TBC1D4: variants seen among roughly 807,000 people sequenced by gnomAD.
TBC1D4 encodes the protein TBC (Tre-2, BUB2, CDC16) domain-containing protein.
In TBC1D4, 121 loss-of-function variants were observed where a neutral mutation model predicts 142.5. The observed-to-expected ratio is 0.85, with a 90% CI of 0.73 to 0.99. The LOEUF (loss-of-function observed/expected upper bound fraction) is 0.99. Ranked by LOEUF, TBC1D4 falls within the 50% of genes least tolerant of loss-of-function variation. The pLI is 0.00. For missense variants in TBC1D4, 1,475 were observed against 1,606.6 expected, an observed-to-expected ratio of 0.92 and a Z score of 1.40; for synonymous variants, 630 against 628.2, an observed-to-expected ratio of 1.00 and a Z score of -0.04.
At chr13:75,292,835 T>C (rs1007612992) in intron 18 of TBC1D4, among the ~76,000 whole-genome samples, 1 of 151,934 alleles carries the variant, frequency 6.6e-6, no homozygotes, top group African/African-American at 2.4e-5. Context: ...TTCCTACAAA[T>C]ACAAACATGC....
chr13:75,481,195 T>TGGCC, intron 1 of TBC1D4, 75 bp downstream of exon 1: 5 of 1,292,706 alleles, frequency 3.9e-6, no homozygotes, highest in Non-Finnish European at 2.1e-6. Flanking sequence ...TAAAGTGGGG[T>TGGCC]CCCCGCCCCT....
chr13:75,452,913 T>C (rs986870017), intron 1 of TBC1D4, among the ~76,000 whole-genome samples: 3 of 152,118 alleles, frequency 2.0e-5, no homozygotes, highest in Non-Finnish European at 4.4e-5. Flanking sequence ...GAGGCGGCCG[T>C]CAGGGGATAG....
chr13:75,396,988 A>G (rs1884827111), intron 1 of TBC1D4, among the ~76,000 whole-genome samples: 1 of 152,218 alleles, frequency 6.6e-6, no homozygotes, highest in Non-Finnish European at 1.5e-5. Flanking sequence ...AGAAATAGAG[A>G]ATCCAACCTT....
intron 10 of TBC1D4, among the ~76,000 whole-genome samples, chr13:75,325,466 C>T (rs959853861): frequency 6.6e-6 from 1 of 150,784 alleles, no homozygotes; most frequent in African/African-American, 2.4e-5. Flanking sequence ...TTTTCCGTAA[C>T]AAATTCATAG....
At chr13:75,296,320 G>C (rs1439285035) in intron 17 of TBC1D4, among the ~76,000 whole-genome samples, 1 of 151,962 alleles carries the variant, frequency 6.6e-6, no homozygotes, top group African/African-American at 2.4e-5. Flanking sequence ...CAACAAAAGA[G>C]TTAGTATTTT....
At chr13:75,306,688 G>A (rs1877224504) in intron 14 of TBC1D4, among the ~76,000 whole-genome samples, 1 of 152,062 alleles carries the variant, frequency 6.6e-6, no homozygotes, top group Non-Finnish European at 1.5e-5. Flanking sequence ...ACCTCCTAAG[G>A]AGGTTTTACT....
chr13:75,360,244 G>A (rs9318337), intron 2 of TBC1D4, among the ~76,000 whole-genome samples: 31,515 of 152,026 alleles, frequency 0.21, 3,341 homozygotes, highest in East Asian at 0.26. Flanking sequence ...GGATGTATCT[G>A]TAATTGGGCT....
rs1025206282 is a variant in TBC1D4, at chr13:75,283,945, T to C, written c.*2847A>G. On this transcript the variant is annotated 3_prime_UTR_variant, in exon 21 of 21. Coordinates refer to ENST00000377636, the MANE Select transcript of TBC1D4 (RefSeq NM_014832.5). ...CAAAGTCTCACTCTGTGGCCCAGGC[T>C]AGAGTGCAGTGGCATGATGGCTCAC... Among the ~76,000 whole-genome samples, 1 of 152,108 alleles carries C rather than the reference T, an allele frequency of 6.6e-6. No individual in the cohort carries two copies. The highest frequency in any genetic ancestry group is 1.5e-5 in the Non-Finnish European group (1 of 68,016).
chr13:75,427,847 C>T (rs954689009), intron 1 of TBC1D4, among the ~76,000 whole-genome samples: 2 of 152,108 alleles, frequency 1.3e-5, no homozygotes, highest in Admixed American at 1.3e-4. Flanking sequence ...TTTTATGTTG[C>T]TTATAAGAAC....
At chr13:75,481,157 C>T (rs1888848327) in intron 1 of TBC1D4, 113 bp downstream of exon 1, 8 of 1,431,178 alleles carry the variant, frequency 5.6e-6, no homozygotes, top group Non-Finnish European at 7.4e-6. Flanking sequence ...GGAGCGCGCG[C>T]GCCTGCAGCC....
intron 1 of TBC1D4, among the ~76,000 whole-genome samples, chr13:75,393,665 C>T (rs1369220865): frequency 6.6e-6 from 1 of 152,156 alleles, no homozygotes; most frequent in East Asian, 1.9e-4. Context: ...GGCACAGTGG[C>T]TCATGCCTGT....
intron 14 of TBC1D4, among the ~76,000 whole-genome samples, chr13:75,308,450 G>C (rs1877398373): frequency 6.6e-6 from 1 of 152,102 alleles, no homozygotes; most frequent in Non-Finnish European, 1.5e-5. Context: ...TTGACCTTAG[G>C]TTAATTCTCT....
At position 75,440,557 on chromosome 13, in the gene TBC1D4, T is replaced by A. The variant is rs78462128; in HGVS notation, c.498+40713A>T. Among the ~76,000 whole-genome samples the A allele has an allele frequency of 7.3e-3, 1,089 of 150,126 alleles. 4 individuals carry two copies. Among genetic ancestry groups the A allele is most frequent in the African/African-American group, 0.015 (617 of 41,004 alleles). On this transcript the variant is annotated intron_variant, in intron 1 of 20. Coordinates refer to ENST00000377636, the MANE Select transcript of TBC1D4 (RefSeq NM_014832.5). ...CACCATATTTATTTTTACTATTTTT[T>A]AAAAAAAAAATTATAGAGATAGGGT...
chr13:75,457,005 T>C (rs1467591594), intron 1 of TBC1D4, among the ~76,000 whole-genome samples: 1 of 151,952 alleles, frequency 6.6e-6, no homozygotes, highest in Non-Finnish European at 1.5e-5. Flanking sequence ...AGACACAATG[T>C]TGAGTAAAAG....
At position 75,341,602 on chromosome 13, in the gene TBC1D4, G is replaced by A. The variant is rs1409465167; in HGVS notation, c.1409-15C>T. The A allele has an allele frequency of 1.9e-6, 3 of 1,599,260 alleles. No homozygotes were observed. In the African/African-American group the frequency reaches 4.0e-5, roughly 21 times the overall value. The stretch of plus-strand genomic sequence containing the variant: ...TGGGTAGAGACCTAAGGAAAATGAT[G>A]AGGGAAGGTATTAAACAGAGTCTAG... On this transcript the variant is annotated splice_polypyrimidine_tract_variant and intron_variant, in intron 5 of 20. Coordinates refer to ENST00000377636, the MANE Select transcript of TBC1D4 (RefSeq NM_014832.5).
chr13:75,319,440 G>A (rs542477292), intron 12 of TBC1D4, among the ~76,000 whole-genome samples: 5 of 152,320 alleles, frequency 3.3e-5, no homozygotes, highest in African/African-American at 7.2e-5. Flanking sequence ...GTCAAGAGAT[G>A]TCAACACAGA....
chr13:75,300,321 A>C (rs887597739), intron 16 of TBC1D4, among the ~76,000 whole-genome samples: 2 of 152,110 alleles, frequency 1.3e-5, no homozygotes, highest in African/African-American at 4.8e-5. Flanking sequence ...TGCATCACTA[A>C]AAGGAGAGTT....
At position 75,362,262 on chromosome 13, in the gene TBC1D4, C is replaced by G. The variant is rs769392488; in HGVS notation, c.844G>C (p.Ala282Pro). The G allele has an allele frequency of 1.2e-6, 2 of 1,613,850 alleles. No homozygotes were observed. The highest frequency in any genetic ancestry group is 1.7e-6 in the Non-Finnish European group (2 of 1,179,978). ...GTCAGGGCAGGCTGGCTGGCCCCGG[C>G]AGGTAAGCCAAGGTGGGTGTCGGTG... is the stretch of plus-strand genomic sequence containing the variant. The part of the protein sequence containing the change: ...DGTDTHLGLP[A>P]GASQPALTSS... The change falls in exon 2 of 21, where the codon GCC becomes CCC. Residue 282 changes from alanine to proline, a missense_variant. Ala to Pro is a conservative substitution (Grantham distance 27, BLOSUM62 -1). Around this residue, in one of 2 missense-constraint regions of TBC1D4, gnomAD observed 1,227 missense variants for 1,267.7 expected, o/e 0.97. Transcript: ENST00000377636. This position sits in a 1 kb window ranked among gnomAD's most constrained non-coding sequence, Gnocchi z 4.2.
intron 4 of TBC1D4, among the ~76,000 whole-genome samples, chr13:75,355,383 G>C (rs1023249387): frequency 6.6e-6 from 1 of 152,112 alleles, no homozygotes; most frequent in African/African-American, 2.4e-5. Context: ...AAACTTTGAG[G>C]GGAAAAAAAT....
Sources: allele counts gnomAD v4.1 joint callset (sites outside exome capture counted in the v4.1 genomes callset), GRCh38; gene constraint gnomAD v4.1.1; regional missense constraint gnomAD v4.1.1; non-coding constraint Gnocchi (gnomAD v3.1); transcripts MANE v1.5; gene names NCBI Gene and HGNC (gene_info 2026-07-23, HGNC 2026-07-21).